PPP1R21: variants seen among roughly 807,000 people sequenced by gnomAD.
PPP1R21 encodes the protein KLRAQ motif containing 1.
In PPP1R21, 85 loss-of-function variants were observed where a neutral mutation model predicts 112.8. The ratio of observed to expected loss-of-function variants is 0.75; its 90% confidence interval spans 0.63 to 0.90. The LOEUF (loss-of-function observed/expected upper bound fraction) is 0.90, where lower values mean the gene tolerates loss of function less well. Ranked by LOEUF, PPP1R21 falls within the 40% of genes least tolerant of loss-of-function variation. The pLI is 0.00. For missense variants in PPP1R21, 1,199 were observed against 901.5 expected, an observed-to-expected ratio of 1.33 and a Z score of -4.23; for synonymous variants, 381 against 322.3, an observed-to-expected ratio of 1.18 and a Z score of -1.95.
intron 17 of PPP1R21, among the ~76,000 whole-genome samples, chr2:48,504,929 C>T (rs543102086): frequency 2.2e-4 from 34 of 152,062 alleles, no homozygotes; most frequent in African/African-American, 7.7e-4. Flanking sequence ...AGGAATTTGA[C>T]GCTGCAGTAA....
At position 48,440,819 on chromosome 2, in the gene PPP1R21, G is replaced by A; in HGVS notation, c.-135G>A. ...CGGAAGTGGAGGAGGAGGCGCGGCG[G>A]CGGCGGCGGCGGCGGCTGCGGTGGC... On this transcript the variant is annotated 5_prime_UTR_variant, in exon 1 of 22. Transcript: ENST00000294952. The A allele has an allele frequency of 3.0e-6, 2 of 662,406 alleles. No individual in the cohort carries two copies. The allele number at this position is 662,406 out of a possible 1,614,324, so 41.0% of individuals were successfully genotyped here. A position where few individuals can be genotyped will look rare whatever the true frequency, so the allele number is the denominator to read the frequency against.
intron 1 of PPP1R21, among the ~76,000 whole-genome samples, chr2:48,444,100 A>G (rs556262479): frequency 3.3e-5 from 5 of 152,230 alleles, no homozygotes; most frequent in Non-Finnish European, 7.3e-5. Context: ...CTGAGAGTCC[A>G]GTTAGATAAA....
intron 3 of PPP1R21, among the ~76,000 whole-genome samples, chr2:48,457,027 G>C (rs1163995859): frequency 5.3e-5 from 8 of 151,816 alleles, no homozygotes; most frequent in African/African-American, 1.7e-4. Flanking sequence ...ACTCCAGCCT[G>C]GGCGACAGAG....
At chr2:48,502,071 G>C (rs1219228898) in intron 17 of PPP1R21, 1 of 152,052 alleles carries the variant, frequency 6.6e-6, no homozygotes, top group Non-Finnish European at 1.5e-5. Flanking sequence ...GAAAGTTTTG[G>C]ATTATCTTTT....
intron 1 of PPP1R21, among the ~76,000 whole-genome samples, chr2:48,444,400 A>C (rs1667161824): frequency 6.6e-6 from 1 of 152,210 alleles, no homozygotes; most frequent in Non-Finnish European, 1.5e-5. Context: ...ATTATAGATT[A>C]AGGATGAAAG....
chr2:48,461,283 G>A, intron 7 of PPP1R21, 51 bp downstream of exon 7: 1 of 1,465,910 alleles, frequency 6.8e-7, no homozygotes, highest in Non-Finnish European at 9.0e-7. Flanking sequence ...ATCTCTCTGT[G>A]GTAGCCAACT....
At chr2:48,460,505 AT>A (rs1667928592) in intron 6 of PPP1R21, among the ~76,000 whole-genome samples, 1 of 152,244 alleles carries the variant, frequency 6.6e-6, no homozygotes, top group Non-Finnish European at 1.5e-5. Flanking sequence ...TTAATGGTAC[AT>A]TTTGAATAAA....
rs1228291377 is a variant in PPP1R21, at chr2:48,465,638, A to G, written c.893A>G (p.Gln298Arg). 5 of 1,608,934 alleles carry G rather than the reference A, an allele frequency of 3.1e-6. No individual in the cohort carries two copies. Among genetic ancestry groups the G allele is most frequent in the Non-Finnish European group, 4.2e-6 (5 of 1,178,702 alleles). The change falls in exon 9 of 22, where the codon CAG (glutamine) becomes CGG (arginine). Residue 298 changes from glutamine to arginine, a missense_variant. Physicochemically the swap from Gln to Arg is conservative, Grantham distance 43 (BLOSUM62 1). Coordinates refer to ENST00000294952, the MANE Select transcript of PPP1R21 (RefSeq NM_001135629.3). ...SAIDTISPLNQKFSQYLHENA... is the reference protein window; with the variant it reads ...SAIDTISPLNRKFSQYLHENA... ...ATTGACACTATATCTCCATTGAATC[A>G]GAAGGTAAATTTAATTCAGGATACA...
chr2:48,498,467 G>C (rs775478858), intron 16 of PPP1R21, 26 bp from the exon 17 acceptor site: 9 of 1,612,408 alleles, frequency 5.6e-6, no homozygotes, highest in Non-Finnish European at 6.8e-6. Flanking sequence ...TAGTCTCTAA[G>C]ATACAACACT....
At chr2:48,488,398 G>T (rs1669406846) in intron 14 of PPP1R21, among the ~76,000 whole-genome samples, 1 of 147,316 alleles carries the variant, frequency 6.8e-6, no homozygotes, top group Non-Finnish European at 1.5e-5. Context: ...ACGGAGTCTT[G>T]CTCTGTTGCC....
At chr2:48,443,773 T>G (rs1369213683) in intron 1 of PPP1R21, among the ~76,000 whole-genome samples, 2 of 152,236 alleles carry the variant, frequency 1.3e-5, no homozygotes, top group Non-Finnish European at 2.9e-5. Context: ...GTCCTATGCC[T>G]AAGAGTATTC....
At chr2:48,514,652 A>G in intron 21 of PPP1R21, 63 bp from the exon 22 acceptor site, 2 of 1,252,208 alleles carry the variant, frequency 1.6e-6, no homozygotes, top group Admixed American at 3.5e-5. Context: ...CTTGGTTTAT[A>G]AACTATGTGA....
At chr2:48,441,138 C>G (rs776038062) in intron 1 of PPP1R21, 128 bp downstream of exon 1, 17 of 698,950 alleles carry the variant, frequency 2.4e-5, no homozygotes, top group South Asian at 7.8e-5. Flanking sequence ...TTCCCCTCAG[C>G]CGTCTCCGTC....
intron 18 of PPP1R21, among the ~76,000 whole-genome samples, chr2:48,506,834 T>C (rs1444224758): frequency 1.3e-5 from 2 of 151,288 alleles, no homozygotes; most frequent in Non-Finnish European, 2.9e-5. Flanking sequence ...TGGTCCCAGC[T>C]ACGCAGGAGG....
chr2:48,459,091 C>CAAAAAA (rs747369228), intron 4 of PPP1R21, among the ~76,000 whole-genome samples: 2 of 55,254 alleles, frequency 3.6e-5, no homozygotes, highest in African/African-American at 7.4e-5. Context: ...GACTCTGTCT[C>CAAAAAA]AAAAAAAAAA....
intron 3 of PPP1R21, 94 bp from the exon 4 acceptor site, chr2:48,458,032 A>G: frequency 1.2e-6 from 1 of 819,370 alleles, no homozygotes; most frequent in Non-Finnish European, 2.1e-6. Flanking sequence ...CACATAGAAG[A>G]GACAAGCTTC....
chr2:48,486,565 G>C, intron 13 of PPP1R21, 66 bp from the exon 14 acceptor site: 1 of 1,212,482 alleles, frequency 8.2e-7, no homozygotes, highest in Non-Finnish European at 1.2e-6. Flanking sequence ...AGAAGTGAAT[G>C]GGCTGGTTAT....
intron 9 of PPP1R21, among the ~76,000 whole-genome samples, chr2:48,466,470 G>A (rs993275058): frequency 1.3e-5 from 2 of 151,844 alleles, no homozygotes; most frequent in Admixed American, 1.3e-4. Context: ...CAGGTGATCT[G>A]CCTGCCTCAG....
Position 48,496,186 on chromosome 2 carries a change from G to A in PPP1R21, c.1692+415G>A, listed in dbSNP as rs188637117. The stretch of plus-strand genomic sequence containing the variant: ...TTGAGTTTAGGGAGTGGGTGGGAGT[G>A]GGAGGCACTGTCTTTTTCAGAAAAA... On this transcript the variant is annotated intron_variant, in intron 16 of 21. Coordinates refer to ENST00000294952, the MANE Select transcript of PPP1R21 (RefSeq NM_001135629.3). Among the ~76,000 whole-genome samples, 55 of 152,064 alleles carry A rather than the reference G, an allele frequency of 3.6e-4. 1 individual carries two copies. The highest frequency in any genetic ancestry group is 4.4e-5 in the Non-Finnish European group (3 of 67,986).
Sources: allele counts gnomAD v4.1 joint callset (sites outside exome capture counted in the v4.1 genomes callset), GRCh38; gene constraint gnomAD v4.1.1; transcripts MANE v1.5; gene names NCBI Gene and HGNC (gene_info 2026-07-23, HGNC 2026-07-21).